The following KBTBD12 variants were observed in gnomAD, a reference collection of about 807,000 sequenced individuals.
KBTBD12 encodes the protein kelch repeat and BTB domain-containing protein 12.
A neutral mutation model predicts 58.7 loss-of-function variants in KBTBD12; 53 were observed. That is an observed-to-expected ratio of 0.90 (90% CI 0.72 to 1.14). The LOEUF (loss-of-function observed/expected upper bound fraction) is 1.14, where lower values mean the gene tolerates loss of function less well. Ranked by LOEUF, KBTBD12 falls within the 50% of genes most tolerant of loss-of-function variation. KBTBD12 has a pLI of 0.00. For synonymous variants in KBTBD12, 236 were observed against 259.8 expected (o/e 0.91, Z 0.88); for missense variants, 704 against 751.3 (o/e 0.94, Z 0.74).
At chr3:127,934,162 C>A (rs1218486126) in intron 4 of KBTBD12, among the ~76,000 whole-genome samples, 1 of 152,030 alleles carries the variant, frequency 6.6e-6, no homozygotes, top group East Asian at 1.9e-4. Flanking sequence ...AAGTGACTAT[C>A]AAATATATGT....
chr3:127,983,746 C>T (rs933478895), intron 5 of KBTBD12, among the ~76,000 whole-genome samples: 17 of 140,776 alleles, frequency 1.2e-4, no homozygotes, highest in Non-Finnish European at 2.2e-4. Context: ...AGCAAGACTC[C>T]GTCTCAAAAA....
intron 1 of KBTBD12, among the ~76,000 whole-genome samples, chr3:127,916,705 CAAAA>C (rs1191368373): frequency 5.1e-5 from 4 of 78,112 alleles, no homozygotes; most frequent in Admixed American, 1.4e-4. Context: ...AAACAAAAAG[CAAAA>C]AAAAAAAAAA....
rs181670840 is a variant in KBTBD12 at position 127,948,567 on chromosome 3, A to G, written c.1493-14622A>G. Among the ~76,000 whole-genome samples the G allele has an allele frequency of 2.8e-3, 434 of 152,354 alleles. 2 individuals are homozygous for G. The highest frequency in any genetic ancestry group is 9.7e-3 in the African/African-American group (404 of 41,580). Reference sequence around the variant, plus strand: ...CATAACTGGAAGAGTGGGATAAAGCACAGACAAACCCTAGTCAAGATCAGC... The same window carrying G: ...CATAACTGGAAGAGTGGGATAAAGCGCAGACAAACCCTAGTCAAGATCAGC... On this transcript the variant is annotated intron_variant, in intron 4 of 5. Transcript: ENST00000405109.
chr3:127,976,803 T>A (rs75648657), intron 5 of KBTBD12, among the ~76,000 whole-genome samples: 6,643 of 152,316 alleles, frequency 0.044, 216 homozygotes, highest in South Asian at 0.18. Flanking sequence ...ATTGTGTGTA[T>A]GTACCACAGG....
At chr3:127,926,995 C>T (rs1342626683) in intron 2 of KBTBD12, among the ~76,000 whole-genome samples, 1 of 152,026 alleles carries the variant, frequency 6.6e-6, no homozygotes, top group African/African-American at 2.4e-5. Context: ...AAAGAATAGC[C>T]ACAAACTCAT....
Position 127,916,750 on chromosome 3 carries a change from G to C in KBTBD12, c.-113+1164G>C, listed in dbSNP as rs185436543. 2.6e-3 allele frequency among the ~76,000 whole-genome samples: 396 copies of C among 151,496 alleles called. 4 individuals carry two copies. The highest frequency in any genetic ancestry group is 9.4e-3 in the African/African-American group (388 of 41,318). On this transcript the variant is annotated intron_variant, in intron 1 of 5. Transcript: ENST00000405109. ...GAGCAGCCAATTTGTAATCTCAGGC[G>C]TAAGTGAAGCCAATACATGGCTTCA...
rs775492956 is a variant in KBTBD12, at chr3:127,923,231, A to G, written c.170A>G (p.Lys57Arg). 1 of 1,613,900 alleles carries G rather than the reference A, an allele frequency of 6.2e-7. No homozygotes were observed. Among genetic ancestry groups the G allele is most frequent in the African/African-American group, 1.3e-5 (1 of 75,062 alleles). The change falls in exon 2 of 6, where the codon AAA becomes AGA. Residue 57 changes from lysine (K) to arginine (R), a missense_variant. Physicochemically the swap from Lys to Arg is conservative, Grantham distance 26 (BLOSUM62 2). Coordinates refer to ENST00000405109, the MANE Select transcript of KBTBD12 (RefSeq NM_207335.4). The part of the protein sequence containing the change: ...LVLAAFSPYF[K>R]AMFTCGLLEC... Reference sequence around the variant, plus strand: ...CTGGCTGCATTTAGCCCTTATTTCAAAGCTATGTTCACCTGTGGACTACTT... The same window carrying G: ...CTGGCTGCATTTAGCCCTTATTTCAGAGCTATGTTCACCTGTGGACTACTT...
chr3:127,927,904 A>C lies in KBTBD12; in HGVS notation c.1211A>C (p.Asn404Thr), dbSNP rs1347108226. The C allele has an allele frequency of 1.9e-6, 3 of 1,613,600 alleles. No individual in the cohort carries two copies. Among genetic ancestry groups the C allele is most frequent in the Non-Finnish European group, 2.5e-6 (3 of 1,179,638 alleles). ...MKIKNQYLIT[N>T]CVDKYSVERD... ...ATTAAAAACCAGTATCTTATTACAA[A>C]CTGTGTTGATAAGTACTCTGTAGAA... Residue 404 changes from asparagine to threonine, a missense_variant, in exon 3 of 6, where the codon AAC (asparagine) becomes ACC (threonine). Physicochemically the swap from Asn to Thr is moderately conservative, Grantham distance 65. Transcript: ENST00000405109.
chr3:127,957,444 T>A (rs1472718857), intron 4 of KBTBD12, among the ~76,000 whole-genome samples: 1 of 152,152 alleles, frequency 6.6e-6, no homozygotes, highest in Non-Finnish European at 1.5e-5. Context: ...TTCATAGAAG[T>A]ACTAGTATTA....
intron 5 of KBTBD12, among the ~76,000 whole-genome samples, chr3:127,983,838 C>T (rs1375975673): frequency 1.3e-5 from 2 of 152,146 alleles, no homozygotes; most frequent in East Asian, 3.9e-4. Flanking sequence ...CACTCCCCTT[C>T]CATTTTCTGC....
intron 4 of KBTBD12, among the ~76,000 whole-genome samples, chr3:127,944,590 G>C (rs372359471): frequency 6.6e-6 from 1 of 152,074 alleles, no homozygotes; most frequent in Non-Finnish European, 1.5e-5. Context: ...CTTTAGGCTT[G>C]TCTATATGTA....
chr3:127,919,255 C>T (rs1169976944), intron 1 of KBTBD12, among the ~76,000 whole-genome samples: 2 of 151,470 alleles, frequency 1.3e-5, no homozygotes, highest in African/African-American at 2.4e-5. Flanking sequence ...TTGGAAATAA[C>T]TTAAACAGCC....
chr3:127,963,435 G>A (rs1248976983), intron 5 of KBTBD12, 49 bp downstream of exon 5: 3 of 1,481,322 alleles, frequency 2.0e-6, no homozygotes. Context: ...GTGTTGATTT[G>A]ACTTTCTTTA....
intron 5 of KBTBD12, among the ~76,000 whole-genome samples, chr3:127,976,297 A>T (rs568620477): frequency 1.3e-5 from 2 of 152,228 alleles, no homozygotes; most frequent in East Asian, 3.9e-4. Context: ...TTTTCTCTCC[A>T]TGCCAGTCTA....
intron 5 of KBTBD12, 132 bp downstream of exon 5, chr3:127,963,518 A>G (rs909479668): frequency 1.2e-6 from 1 of 857,310 alleles, no homozygotes; most frequent in Non-Finnish European, 1.7e-6. Flanking sequence ...AGAGTCAGGG[A>G]CCCTGTGCAA....
intron 2 of KBTBD12, among the ~76,000 whole-genome samples, chr3:127,924,965 TC>T (rs573085645): frequency 4.6e-4 from 70 of 152,318 alleles, no homozygotes; most frequent in African/African-American, 1.7e-3. Context: ...AGTAAAACTT[TC>T]CCCCAATATT....
chr3:127,976,300 C>T (rs961561694), intron 5 of KBTBD12, among the ~76,000 whole-genome samples: 1 of 152,114 alleles, frequency 6.6e-6, no homozygotes, highest in Non-Finnish European at 1.5e-5. Context: ...TCTCTCCATG[C>T]CAGTCTAAGA....
intron 5 of KBTBD12, among the ~76,000 whole-genome samples, chr3:127,967,483 G>T (rs1013338968): frequency 4.6e-5 from 7 of 152,158 alleles, no homozygotes; most frequent in African/African-American, 1.7e-4. Flanking sequence ...GGTAGATAGG[G>T]TAGGAATGTG....
intron 4 of KBTBD12, among the ~76,000 whole-genome samples, chr3:127,933,381 TCA>T (rs887638676): frequency 2.6e-5 from 4 of 152,024 alleles, no homozygotes; most frequent in African/African-American, 9.7e-5. Context: ...AAAACCACAC[TCA>T]CAGTGGAAAA....
Sources: gnomAD v4.1 joint callset for allele counts (sites outside exome capture counted in the v4.1 genomes callset) on GRCh38, gnomAD v4.1.1 for gene constraint, MANE v1.5 for transcripts, NCBI Gene and HGNC (gene_info 2026-07-23, HGNC 2026-07-21) for gene names.